The following TMTC3 variants were observed in gnomAD, a reference collection of about 807,000 sequenced individuals.
TMTC3 encodes transmembrane O-mannosyltransferase targeting cadherins 3.
Under a neutral mutation model 92.2 loss-of-function variants are expected in TMTC3, and 52 were observed. That is an observed-to-expected ratio of 0.56 (90% confidence interval 0.45 to 0.71). The LOEUF (loss-of-function observed/expected upper bound fraction) is 0.71, where lower values mean the gene tolerates loss of function less well. TMTC3 is among the 30% of genes least tolerant of loss of function. The pLI is 0.00. For synonymous variants in TMTC3, 339 were observed against 363.3 expected (o/e 0.93, Z 0.76); for missense variants, 896 against 1,057.1 (o/e 0.85, Z 2.11).
In TMTC3 at chr12:88,177,291, A is replaced by T. The variant is rs568390922; in HGVS notation, c.1432+972A>T. On this transcript the variant is annotated intron_variant, in intron 10 of 13. Transcript: ENST00000266712. ...CAGTGAGCCAAGATCGCACCACTGC[A>T]CTCCAGCCTGGGTGACAGAGTGATA... 7.2e-5 allele frequency among the ~76,000 whole-genome samples: 11 copies of T among 151,886 alleles called. No homozygotes were observed. In the East Asian group the frequency reaches 2.1e-3, roughly 29 times the overall value.
intron 12 of TMTC3, among the ~76,000 whole-genome samples, chr12:88,191,991 G>A (rs948053023): frequency 5.4e-5 from 8 of 149,304 alleles, no homozygotes; most frequent in South Asian, 2.1e-4. Flanking sequence ...TTACAGGAAC[G>A]AGCCACCATG....
intron 12 of TMTC3, 115 bp from the exon 13 acceptor site, chr12:88,192,489 C>CTT (rs1565960026): frequency 1.6e-6 from 1 of 642,450 alleles, no homozygotes; most frequent in South Asian, 2.1e-5. Flanking sequence ...TTTTAAGAGT[C>CTT]TGAGTTAAGA....
Position 88,160,200 on chromosome 12 carries a change from T to G in TMTC3, c.595T>G (p.Cys199Gly). The change falls in exon 5 of 14, where the codon TGT becomes GGT. Residue 199 changes from cysteine (C) to glycine (G), a missense_variant. Coordinates refer to ENST00000266712, the MANE Select transcript of TMTC3 (RefSeq NM_181783.4). ...AGGAATAACAGTTGTAGGAATTTGCTGTGTGTATGAAGTGTTTATTGCCCA... is the reference window on the plus strand; with the variant it reads ...AGGAATAACAGTTGTAGGAATTTGCGGTGTGTATGAAGTGTTTATTGCCCA... ...EQGITVVGICCVYEVFIAQGY... is the reference protein window; with the variant it reads ...EQGITVVGICGVYEVFIAQGY... The G allele has an allele frequency of 6.3e-7, 1 of 1,588,068 alleles. No homozygotes were observed. The highest frequency in any genetic ancestry group is 8.5e-7 in the Non-Finnish European group (1 of 1,169,618).
At chr12:88,165,924 G>A (rs922019345) in intron 6 of TMTC3, among the ~76,000 whole-genome samples, 4 of 152,126 alleles carry the variant, frequency 2.6e-5, no homozygotes, top group Admixed American at 6.5e-5. Flanking sequence ...TCTCATGTAG[G>A]AAAGCATTGG....
intron 1 of TMTC3, among the ~76,000 whole-genome samples, chr12:88,147,005 G>A (rs1481567356): frequency 6.7e-6 from 1 of 150,034 alleles, no homozygotes; most frequent in African/African-American, 2.4e-5. Flanking sequence ...CTTAAAGGTT[G>A]CAGTTACTCT....
rs2041519053 is a variant in TMTC3, at chr12:88,196,843, G to T, written c.*1194G>T. ...TGTATCATTTTTGGCCTAATGTCTG[G>T]ATATAAAAGATAATTAGCCTACTAT... On this transcript the variant is annotated 3_prime_UTR_variant, in exon 14 of 14. Coordinates refer to ENST00000266712, the MANE Select transcript of TMTC3 (RefSeq NM_181783.4). 3 of 151,740 alleles carry T rather than the reference G, an allele frequency of 2.0e-5. No homozygotes were observed. The South Asian group carries it at 6.2e-4, about 31-fold the overall frequency. The allele number at this position is 151,740 out of a possible 1,614,324, so 9.4% of individuals were successfully genotyped here. A position where few individuals can be genotyped will look rare whatever the true frequency, so the allele number is the denominator to read the frequency against.
chr12:88,161,934 G>A (rs1219606247), intron 6 of TMTC3, among the ~76,000 whole-genome samples: 1 of 151,852 alleles, frequency 6.6e-6, no homozygotes, highest in Non-Finnish European at 1.5e-5. Context: ...AATTGTCTTG[G>A]AGGAATTTAA....
chr12:88,144,507 C>G (rs114991085), intron 1 of TMTC3, among the ~76,000 whole-genome samples: 1 of 152,066 alleles, frequency 6.6e-6, no homozygotes, highest in Admixed American at 6.6e-5. Flanking sequence ...CACCCTCTTG[C>G]TCACATTCAT....
chr12:88,182,432 T>C (rs1207379346), intron 10 of TMTC3, among the ~76,000 whole-genome samples: 1 of 152,244 alleles, frequency 6.6e-6, no homozygotes, highest in Non-Finnish European at 1.5e-5. Flanking sequence ...TCAGTAGTTA[T>C]GCCCAAGATG....
chr12:88,145,688 G>C (rs948917957), intron 1 of TMTC3, among the ~76,000 whole-genome samples: 1 of 152,090 alleles, frequency 6.6e-6, no homozygotes, highest in Non-Finnish European at 1.5e-5. Flanking sequence ...AGAGCAGAGA[G>C]GGAAATAGAT....
At chr12:88,156,194 T>C (rs1468852766) in intron 4 of TMTC3, among the ~76,000 whole-genome samples, 1 of 152,248 alleles carries the variant, frequency 6.6e-6, no homozygotes, top group African/African-American at 2.4e-5. Context: ...TTGTTCTCTC[T>C]GTTTTATGAT....
At chr12:88,174,511 G>A (rs2041238594) in intron 8 of TMTC3, 96 bp from the exon 9 acceptor site, 1 of 1,322,970 alleles carries the variant, frequency 7.6e-7, no homozygotes, top group Non-Finnish European at 1.0e-6. Context: ...GATATTTTAG[G>A]AGCATTTAAG....
Position 88,153,330 on chromosome 12 carries a change from A to T in TMTC3, c.229A>T (p.Thr77Ser). Residue 77 changes from threonine to serine, a missense_variant, in exon 3 of 14, where the codon ACA becomes TCA. Transcript: ENST00000266712. ...GTCTTACCGTCCCTTAACAGTATTG[A>T]CATTTCGCTTAAATTATTTGTTAAG... The part of the protein sequence containing the change: ...HKSYRPLTVL[T>S]FRLNYLLSEL... 1 of 1,613,312 alleles carries T rather than the reference A, an allele frequency of 6.2e-7. No homozygotes were observed. Among genetic ancestry groups the T allele is most frequent in the Non-Finnish European group, 8.5e-7 (1 of 1,179,688 alleles).
intron 1 of TMTC3, 53 bp from the exon 2 acceptor site, chr12:88,148,235 A>G: frequency 1.7e-6 from 2 of 1,202,274 alleles, no homozygotes; most frequent in South Asian, 3.1e-5. Context: ...CTAAAATTGA[A>G]CTTACTTGGA....
At chr12:88,166,668 T>C in intron 7 of TMTC3, 86 bp downstream of exon 7, 1 of 1,407,646 alleles carries the variant, frequency 7.1e-7, no homozygotes, top group South Asian at 1.5e-5. Context: ...AAAGCATCTT[T>C]TTAGAAGCAC....
chr12:88,181,890 G>T (rs2138423726), intron 10 of TMTC3, among the ~76,000 whole-genome samples: 1 of 150,268 alleles, frequency 6.7e-6, no homozygotes, highest in East Asian at 1.9e-4. Context: ...TTAAAGCATT[G>T]GGTATGGGGG....
rs114934122 is a variant in TMTC3, at chr12:88,165,504, A to T, written c.798-826A>T. On this transcript the variant is annotated intron_variant, in intron 6 of 13. Coordinates refer to ENST00000266712, the MANE Select transcript of TMTC3 (RefSeq NM_181783.4). Reference sequence around the variant, plus strand: ...AGTATTTATTTTTATCAAATATTTGATATGTTTTCAGAAAATCAAGTCAAA... The same window carrying T: ...AGTATTTATTTTTATCAAATATTTGTTATGTTTTCAGAAAATCAAGTCAAA... Among the ~76,000 whole-genome samples the T allele has an allele frequency of 4.1e-3, 624 of 152,088 alleles. 6 individuals carry two copies. Among genetic ancestry groups the T allele is most frequent in the African/African-American group, 0.014 (591 of 41,542 alleles).
intron 10 of TMTC3, among the ~76,000 whole-genome samples, chr12:88,185,772 A>G (rs555365531): frequency 6.6e-5 from 10 of 152,092 alleles, no homozygotes; most frequent in African/African-American, 2.2e-4. Context: ...GATTCTGTCA[A>G]ATGCTTTTGT....
At chr12:88,193,445 T>C (rs1397103065) in intron 13 of TMTC3, among the ~76,000 whole-genome samples, 1 of 152,108 alleles carries the variant, frequency 6.6e-6, no homozygotes, top group Non-Finnish European at 1.5e-5. Flanking sequence ...ATAATCTTTT[T>C]AATTTATAAA....
Sources: allele counts gnomAD v4.1 joint callset (sites outside exome capture counted in the v4.1 genomes callset), GRCh38; gene constraint gnomAD v4.1.1; transcripts MANE v1.5; gene names NCBI Gene and HGNC (gene_info 2026-07-23, HGNC 2026-07-21).